Variants in C1QTNF3 observed in about 807,000 individuals in gnomAD.
C1QTNF3 encodes the protein complement C1q tumor necrosis factor-related protein 3.
A neutral mutation model predicts 32.6 loss-of-function variants in C1QTNF3; 26 were observed. That is an observed-to-expected ratio of 0.80 (90% CI 0.58 to 1.11). The LOEUF is 1.11. Ranked by LOEUF, C1QTNF3 falls within the 50% of genes least tolerant of loss-of-function variation. The pLI, the probability that C1QTNF3 is intolerant of heterozygous loss-of-function variation, is 0.00. For synonymous variants in C1QTNF3, 155 were observed against 146.0 expected, an observed-to-expected ratio of 1.06 and a Z score of -0.44; for missense variants, 362 against 398.2, an observed-to-expected ratio of 0.91 and a Z score of 0.77.
chr5:34,172,924 T>C, the C1QTNF3 span, among the ~76,000 whole-genome samples: 2 of 152,230 alleles, frequency 1.3e-5, no homozygotes, highest in Non-Finnish European at 1.5e-5. Context: ...AGCATTCTTG[T>C]ATATCGAGGA....
chr5:34,119,039 A>G, the C1QTNF3 span, among the ~76,000 whole-genome samples: 7 of 152,208 alleles, frequency 4.6e-5, no homozygotes, highest in Admixed American at 1.3e-4. Flanking sequence ...TCAGAGCAAC[A>G]AAAAACAAAA....
the C1QTNF3 span, among the ~76,000 whole-genome samples, chr5:34,216,284 T>C: frequency 6.6e-6 from 1 of 152,226 alleles, no homozygotes; most frequent in African/African-American, 2.4e-5. Context: ...TATTCCTTAA[T>C]TCTCCATAGC....
upstream of C1QTNF3, among the ~76,000 whole-genome samples, chr5:34,046,916 G>C (rs912247736): frequency 2.6e-5 from 4 of 152,042 alleles, no homozygotes; most frequent in African/African-American, 9.7e-5. Flanking sequence ...TTCAATATAG[G>C]TATCTTTTAC....
chr5:34,217,736 A>G, the C1QTNF3 span, among the ~76,000 whole-genome samples: 2 of 152,134 alleles, frequency 1.3e-5, no homozygotes, highest in African/African-American at 4.8e-5. Context: ...GCAATCTCTC[A>G]TGACATATAC....
Position 34,043,026 on chromosome 5 carries a change from T to C in C1QTNF3, c.100A>G (p.Asn34Asp). 6.2e-7 allele frequency: 1 copy of C among 1,614,166 alleles called. No individual in the cohort carries two copies. Among genetic ancestry groups the C allele is most frequent in the South Asian group, 1.1e-5 (1 of 91,090 alleles). Reference protein sequence around the residue: ...DEYMEVSGRTNKVVARIVQSH... With the variant: ...DEYMEVSGRTDKVVARIVQSH... ...TGCACTATTCTTGCCACCACTTTAT[T>C]AGTTCTTCCGCTCACCTCCATGTAT... Residue 34 changes from asparagine (N) to aspartate (D), a missense_variant, in exon 1 of 6, where the codon AAT (asparagine) becomes GAT (aspartate). Coordinates refer to ENST00000382065, the MANE Select transcript of C1QTNF3 (RefSeq NM_181435.6).
chr5:34,134,711 T>C, the C1QTNF3 span, among the ~76,000 whole-genome samples: 55 of 152,336 alleles, frequency 3.6e-4, no homozygotes, highest in East Asian at 9.5e-3. Context: ...ACTCATGATT[T>C]GGCTCTCTGT....
At chr5:34,139,862 G>A in the C1QTNF3 span, among the ~76,000 whole-genome samples, 188 of 152,258 alleles carry the variant, frequency 1.2e-3, no homozygotes, top group African/African-American at 4.3e-3. Context: ...CTGAAGTACC[G>A]TCTTATTTCT....
chr5:34,026,456 CA>C (rs11335593), intron 4 of C1QTNF3, among the ~76,000 whole-genome samples: 42,245 of 92,578 alleles, frequency 0.46, 7,054 homozygotes, highest in South Asian at 0.62. Context: ...AATCTGCCAG[CA>C]AAAAAAAAAA....
the C1QTNF3 span, among the ~76,000 whole-genome samples, chr5:34,054,748 G>A: frequency 8.3e-6 from 1 of 121,050 alleles, no homozygotes; most frequent in East Asian, 2.2e-4. Flanking sequence ...CCAACTGTAG[G>A]AATCTGTATT....
At chr5:34,183,169 G>A in the C1QTNF3 span, among the ~76,000 whole-genome samples, 16,297 of 124,910 alleles carry the variant, frequency 0.13, 1 homozygote, top group East Asian at 0.3. Context: ...AGTAGAGACC[G>A]GGTTTCACCA....
chr5:34,112,948 G>A, the C1QTNF3 span, among the ~76,000 whole-genome samples: 1 of 151,812 alleles, frequency 6.6e-6, no homozygotes, highest in Admixed American at 6.6e-5. Flanking sequence ...GCATGAATGA[G>A]GACGAAAGTC....
the C1QTNF3 span, among the ~76,000 whole-genome samples, chr5:34,132,419 G>GTA: frequency 2.6e-5 from 1 of 38,466 alleles, no homozygotes; most frequent in African/African-American, 8.1e-5. Context: ...ATATATATAT[G>GTA]TATGTGTATG....
chr5:34,040,456 G>A (rs1215519274), intron 1 of C1QTNF3, among the ~76,000 whole-genome samples: 5 of 152,060 alleles, frequency 3.3e-5, no homozygotes, highest in South Asian at 2.1e-4. Flanking sequence ...ATGGGTATCC[G>A]GGAGAAGGAG....
chr5:34,133,216 T>C, the C1QTNF3 span, among the ~76,000 whole-genome samples: 1 of 152,320 alleles, frequency 6.6e-6, no homozygotes, highest in East Asian at 1.9e-4. Context: ...ATCTTAGCAA[T>C]GACAGTTTTA....
chr5:34,160,832 A>G, the C1QTNF3 span, among the ~76,000 whole-genome samples: 83 of 152,026 alleles, frequency 5.5e-4, no homozygotes, highest in Non-Finnish European at 1.1e-3. Context: ...GAGGGAGCGA[A>G]AGAGAGAGAG....
chr5:34,213,806 TA>T, the C1QTNF3 span, among the ~76,000 whole-genome samples: 285 of 3,794 alleles, frequency 0.075, 9 homozygotes, highest in African/African-American at 0.1. Flanking sequence ...TATATATATA[TA>T]TATTTTTTTT....
chr5:34,106,039 T>A, the C1QTNF3 span: 1 of 149,530 alleles, frequency 6.7e-6, no homozygotes, highest in Non-Finnish European at 1.5e-5. Context: ...AAGTTACAAA[T>A]TACTTTTCTT....
At chr5:34,074,895 T>C in the C1QTNF3 span, among the ~76,000 whole-genome samples, 2 of 151,720 alleles carry the variant, frequency 1.3e-5, no homozygotes, top group African/African-American at 4.9e-5. Flanking sequence ...GAAAAAAAGG[T>C]GTCTTGAGAC....
At chr5:34,095,065 T>C in the C1QTNF3 span, among the ~76,000 whole-genome samples, 2 of 152,074 alleles carry the variant, frequency 1.3e-5, no homozygotes, top group Non-Finnish European at 2.9e-5. Flanking sequence ...AGAGTGTTCA[T>C]AAATTTAATG....
Sources: allele counts gnomAD v4.1 joint callset (sites outside exome capture counted in the v4.1 genomes callset), GRCh38; gene constraint gnomAD v4.1.1; transcripts MANE v1.5; gene names NCBI Gene and HGNC (gene_info 2026-07-23, HGNC 2026-07-21).